The following DTWD2 variants were observed in gnomAD, a reference collection of about 807,000 sequenced individuals.
DTWD2 encodes the protein tRNA-uridine aminocarboxypropyltransferase 2.
Under a neutral mutation model 31.8 loss-of-function variants are expected in DTWD2, and 39 were observed. The observed-to-expected ratio is 1.22, with a 90% CI of 0.95 to 1.60. DTWD2 has a LOEUF of 1.60. Ranked by LOEUF, DTWD2 falls within the 40% of genes most tolerant of loss-of-function variation. The pLI, the probability that DTWD2 is intolerant of heterozygous loss-of-function variation, is 0.00. For synonymous variants in DTWD2, 180 were observed against 142.8 expected, an observed-to-expected ratio of 1.26 and a Z score of -1.86; for missense variants, 515 against 381.5, an observed-to-expected ratio of 1.35 and a Z score of -2.92.
At chr5:118,916,923 G>C (rs140420805) in intron 4 of DTWD2, among the ~76,000 whole-genome samples, 2 of 151,526 alleles carry the variant, frequency 1.3e-5, no homozygotes, top group Non-Finnish European at 2.9e-5. Flanking sequence ...TTTTTTTTCT[G>C]ACCCCATTAG....
At chr5:118,868,479 C>G (rs908426333) in intron 4 of DTWD2, among the ~76,000 whole-genome samples, 5 of 152,096 alleles carry the variant, frequency 3.3e-5, no homozygotes, top group African/African-American at 1.2e-4. Context: ...AGGCAACTCA[C>G]AGAATGGGAG....
chr5:118,881,910 C>T (rs537986285), intron 4 of DTWD2, among the ~76,000 whole-genome samples: 9 of 152,260 alleles, frequency 5.9e-5, no homozygotes, highest in East Asian at 1.9e-4. Flanking sequence ...TATATCATTC[C>T]GTCCCTGCCC....
At chr5:118,894,980 A>C (rs912036352) in intron 4 of DTWD2, among the ~76,000 whole-genome samples, 3 of 152,208 alleles carry the variant, frequency 2.0e-5, no homozygotes, top group Non-Finnish European at 4.4e-5. Flanking sequence ...CACCACCGTT[A>C]TGCAACATAG....
At chr5:118,846,694 G>C (rs780466120) in intron 5 of DTWD2, among the ~76,000 whole-genome samples, 8 of 152,078 alleles carry the variant, frequency 5.3e-5, no homozygotes, top group Non-Finnish European at 1.2e-4. Flanking sequence ...AGAATATACA[G>C]AGATGATGGT....
At chr5:118,973,684 C>G in intron 1 of DTWD2, 5 of 1,299,728 alleles carry the variant, frequency 3.8e-6, no homozygotes, top group Non-Finnish European at 4.3e-6. Flanking sequence ...CCGCAGCCGC[C>G]TCCGCCACGC....
intron 4 of DTWD2, among the ~76,000 whole-genome samples, chr5:118,887,142 T>C (rs1329260069): frequency 3.9e-5 from 6 of 152,196 alleles, no homozygotes; most frequent in East Asian, 1.9e-4. Context: ...TAATGAGCAG[T>C]TTATGTCAGT....
At chr5:118,947,025 T>G (rs1754353500) in intron 1 of DTWD2, among the ~76,000 whole-genome samples, 2 of 152,014 alleles carry the variant, frequency 1.3e-5, no homozygotes, top group Admixed American at 6.6e-5. Context: ...AACAGAAAAT[T>G]TTCCTTGACC....
intron 1 of DTWD2, among the ~76,000 whole-genome samples, chr5:118,970,440 G>A (rs1211713668): frequency 1.3e-5 from 2 of 151,666 alleles, no homozygotes; most frequent in Non-Finnish European, 2.9e-5. Context: ...AAAGAAAAAA[G>A]GAAAAAAGAA....
rs114142123 is a variant in DTWD2, at chr5:118,893,256, G to C, written c.597+35281C>G. 9.7e-3 allele frequency among the ~76,000 whole-genome samples: 1,473 copies of C among 151,306 alleles called. 9 individuals are homozygous for C. The highest frequency in any genetic ancestry group is 0.034 in the Middle Eastern group (10 of 294). ...ATGCTCCTGTGGTCCAACTACTTGG[G>C]AGGCTGAGGCACGAGAATCGCTTGA... is the stretch of plus-strand genomic sequence containing the variant. On this transcript the variant is annotated intron_variant, in intron 4 of 5. Coordinates refer to ENST00000510708, the MANE Select transcript of DTWD2 (RefSeq NM_173666.4).
At chr5:118,955,395 TAA>T (rs1304855351) in intron 1 of DTWD2, among the ~76,000 whole-genome samples, 2 of 152,224 alleles carry the variant, frequency 1.3e-5, no homozygotes, top group African/African-American at 4.8e-5. Context: ...GACCAACTGT[TAA>T]ACCATCTCTT....
At chr5:118,970,914 T>C (rs1353467450) in intron 1 of DTWD2, among the ~76,000 whole-genome samples, 1 of 152,082 alleles carries the variant, frequency 6.6e-6, no homozygotes, top group Non-Finnish European at 1.5e-5. Context: ...AGAAATAAGA[T>C]CCTTTTCAGA....
chr5:118,980,373 G>C (rs1384464890), intron 1 of DTWD2, among the ~76,000 whole-genome samples: 1 of 152,182 alleles, frequency 6.6e-6, no homozygotes, highest in Non-Finnish European at 1.5e-5. Context: ...CAAACATGAA[G>C]CTCATACTCC....
chr5:118,850,698 G>A (rs935699272), intron 4 of DTWD2, among the ~76,000 whole-genome samples: 1 of 151,742 alleles, frequency 6.6e-6, no homozygotes, highest in Non-Finnish European at 1.5e-5. Flanking sequence ...CTTCTGCAAG[G>A]AAAAAGAAAT....
At chr5:118,972,241 G>C (rs985493651) in intron 1 of DTWD2, among the ~76,000 whole-genome samples, 2 of 152,104 alleles carry the variant, frequency 1.3e-5, no homozygotes, top group African/African-American at 4.8e-5. Flanking sequence ...TAATAAAGAA[G>C]AAAAGGTGGA....
chr5:118,952,956 A>G (rs188701862), intron 1 of DTWD2, among the ~76,000 whole-genome samples: 1 of 152,300 alleles, frequency 6.6e-6, no homozygotes, highest in African/African-American at 2.4e-5. Flanking sequence ...ATCATATGAC[A>G]AAATTTTGTT....
chr5:118,901,839 C>T (rs1191098646), intron 4 of DTWD2, among the ~76,000 whole-genome samples: 4 of 152,056 alleles, frequency 2.6e-5, no homozygotes, highest in East Asian at 3.9e-4. Context: ...AACTCCCAGG[C>T]CCAAGCGATC....
chr5:118,973,862 G>A (rs1755059637), intron 1 of DTWD2: 1 of 1,610,500 alleles, frequency 6.2e-7, no homozygotes, highest in Non-Finnish European at 8.5e-7. Flanking sequence ...GAAGAAGGAA[G>A]TTGTGGAAGA....
intron 1 of DTWD2, among the ~76,000 whole-genome samples, chr5:118,968,375 A>C (rs1754902589): frequency 6.6e-6 from 1 of 152,254 alleles, no homozygotes; most frequent in Admixed American, 6.5e-5. Context: ...AAGCAGCTGC[A>C]GTCAGTGGCT....
At chr5:118,970,076 G>C (rs779489661) in intron 1 of DTWD2, among the ~76,000 whole-genome samples, 34 of 152,186 alleles carry the variant, frequency 2.2e-4, no homozygotes, top group Non-Finnish European at 4.3e-4. Flanking sequence ...GCAGAGGAAA[G>C]AATCTCAGAG....
Sources: gnomAD v4.1 joint callset for allele counts (sites outside exome capture counted in the v4.1 genomes callset) on GRCh38, gnomAD v4.1.1 for gene constraint, MANE v1.5 for transcripts, NCBI Gene and HGNC (gene_info 2026-07-23, HGNC 2026-07-21) for gene names.